Variants in DIPK2A observed in about 807,000 individuals in gnomAD.
DIPK2A encodes the protein Golgi Protein of 49 kDa.
In DIPK2A, 27 loss-of-function variants were observed where a neutral mutation model predicts 39.0. The observed-to-expected ratio is 0.69, with a 90% confidence interval of 0.51 to 0.96. The LOEUF (loss-of-function observed/expected upper bound fraction) is 0.96. Among genes scored for constraint, DIPK2A ranks in the 40% least tolerant of loss-of-function variants. DIPK2A has a pLI of 0.00. For synonymous variants in DIPK2A, 298 were observed against 240.8 expected, an observed-to-expected ratio of 1.24 and a Z score of -2.20; for missense variants, 528 against 571.3, an observed-to-expected ratio of 0.92 and a Z score of 0.77.
rs1189510341 is a variant in DIPK2A at position 143,973,267 on chromosome 3, A to G, written c.657+278A>G. 3.0e-6 allele frequency: 4 copies of G among 1,350,346 alleles called. No individual in the cohort carries two copies. In the Admixed American group the frequency reaches 5.9e-5, roughly 20 times the overall value. 83.6% of individuals were successfully genotyped at this position (1,350,346 alleles called of 1,614,324 possible). On this transcript the variant is annotated intron_variant, in intron 1 of 2. Transcript: ENST00000315691. ...CAACGCCAGAGGGAGTGCGTCTCTT[A>G]ACACTCCCCAAAATGTCTCTACTGC...
At chr3:143,989,039 C>T (rs983612430) in intron 2 of DIPK2A, among the ~76,000 whole-genome samples, 12 of 152,322 alleles carry the variant, frequency 7.9e-5, no homozygotes, top group Middle Eastern at 3.4e-3. Flanking sequence ...CTTATTGCTT[C>T]GTGAACCAAA....
At chr3:143,973,223 G>T (rs1329554091) in intron 1 of DIPK2A, 6 of 1,107,524 alleles carry the variant, frequency 5.4e-6, no homozygotes, top group African/African-American at 1.5e-5. Flanking sequence ...GCGCATTTCG[G>T]ATTTGACTGT....
Position 143,972,719 on chromosome 3 carries a change from C to T in DIPK2A, c.387C>T (p.Ala129=). Residue 129 remains alanine (A), a synonymous_variant, in exon 1 of 3, where the codon GCC becomes GCT. Coordinates refer to ENST00000315691, the MANE Select transcript of DIPK2A (RefSeq NM_173552.5). ...TCGACCAGAGCATCTGCAAGCGGGCCACCGGCCGGCCCCGCTGCGACCTGC... is the reference window on the plus strand; with the variant it reads ...TCGACCAGAGCATCTGCAAGCGGGCTACCGGCCGGCCCCGCTGCGACCTGC... The part of the protein sequence containing the change: ...AQLDQSICKR[A]TGRPRCDLLQ... The T allele has an allele frequency of 1.3e-6, 2 of 1,595,368 alleles. No individual in the cohort carries two copies. The highest frequency in any genetic ancestry group is 1.7e-6 in the Non-Finnish European group (2 of 1,172,908).
chr3:143,989,403 T>G (rs1255300839), intron 2 of DIPK2A, 107 bp from the exon 3 acceptor site: 1 of 685,124 alleles, frequency 1.5e-6, no homozygotes, highest in Non-Finnish European at 2.4e-6. Flanking sequence ...TACTTTTACC[T>G]AAAAGTGTAG....
chr3:143,982,777 T>C (rs1325334212), intron 1 of DIPK2A, among the ~76,000 whole-genome samples: 2 of 152,248 alleles, frequency 1.3e-5, no homozygotes, highest in Non-Finnish European at 2.9e-5. Context: ...ATTGGCTAAA[T>C]GTCCCAATTA....
At chr3:143,985,875 A>C (rs766468934) in intron 2 of DIPK2A, 29 bp downstream of exon 2, 1 of 1,539,076 alleles carries the variant, frequency 6.5e-7, no homozygotes, top group Non-Finnish European at 8.8e-7. Flanking sequence ...ATTTTTTTCT[A>C]CTCATTTTTT....
chr3:143,973,831 G>A (rs1332174187), intron 1 of DIPK2A: 2 of 521,856 alleles, frequency 3.8e-6, no homozygotes, highest in Non-Finnish European at 6.9e-6. Context: ...TGCCTTTTAG[G>A]GGAATAGGAT....
intron 2 of DIPK2A, 89 bp from the exon 3 acceptor site, chr3:143,989,421 A>T: frequency 1.4e-6 from 1 of 730,300 alleles, no homozygotes; most frequent in Non-Finnish European, 2.2e-6. Flanking sequence ...TAGAACAAAT[A>T]CTATTAATTA....
chr3:143,972,590 C>T lies in DIPK2A; in HGVS notation c.258C>T (p.Leu86=). ...GCCGCTTGCGCCTGCTGGACTTCCT[C>T]AACGTGAAGAACGTGTACTTCGCGC... The part of the protein sequence containing the change: ...AWGRLRLLDF[L]NVKNVYFAQY... Residue 86 remains leucine (L), a synonymous_variant, in exon 1 of 3, where the codon CTC becomes CTT. Transcript: ENST00000315691. The T allele has an allele frequency of 6.2e-7, 1 of 1,612,228 alleles. No homozygotes were observed. The highest frequency in any genetic ancestry group is 8.5e-7 in the Non-Finnish European group (1 of 1,179,710).
At chr3:143,986,497 G>A (rs1414092109) in intron 2 of DIPK2A, among the ~76,000 whole-genome samples, 3 of 152,246 alleles carry the variant, frequency 2.0e-5, no homozygotes, top group Non-Finnish European at 2.9e-5. Flanking sequence ...GGCCGAGGCG[G>A]GCGGATCACG....
chr3:143,986,326 G>A (rs2087898963), intron 2 of DIPK2A, among the ~76,000 whole-genome samples: 1 of 152,180 alleles, frequency 6.6e-6, no homozygotes, highest in Non-Finnish European at 1.5e-5. Context: ...CTGCAGCTCT[G>A]AGTTTGGTTT....
rs955426877 is a variant in DIPK2A at position 143,990,581 on chromosome 3, GAAGTTTGGCATATGTTGCAAAA to G, written c.*741_*762del. ...ATAATTAGAAGTGTACACTAAACAT[GAAGTTTGGCATATGTTGCAAAA>G]TGTCATTTTATCTTTTCTAAAGGCT... On this transcript the variant is annotated 3_prime_UTR_variant, in exon 3 of 3. Transcript: ENST00000315691. The G allele has an allele frequency of 2.6e-5, 4 of 152,362 alleles. No individual in the cohort carries two copies. The highest frequency in any genetic ancestry group is 2.4e-5 in the African/African-American group (1 of 41,382). 9.4% of individuals were successfully genotyped at this position (152,362 alleles called of 1,614,324 possible).
At chr3:143,983,390 A>C (rs973909641) in intron 1 of DIPK2A, among the ~76,000 whole-genome samples, 3 of 152,254 alleles carry the variant, frequency 2.0e-5, no homozygotes, top group African/African-American at 7.2e-5. Flanking sequence ...ATTAGAATTC[A>C]GAATTAAGAA....
At chr3:143,981,696 A>G (rs977499605) in intron 1 of DIPK2A, among the ~76,000 whole-genome samples, 4 of 152,232 alleles carry the variant, frequency 2.6e-5, no homozygotes, top group Non-Finnish European at 5.9e-5. Context: ...CAAAAACAAA[A>G]CAAAAAATAA....
Position 143,991,672 on chromosome 3 carries a change from G to A in DIPK2A, c.*1831G>A, listed in dbSNP as rs2087991566. 1 of 152,602 alleles carries A rather than the reference G, an allele frequency of 6.6e-6. No individual in the cohort carries two copies. Among genetic ancestry groups the A allele is most frequent in the Admixed American group, 6.5e-5 (1 of 15,284 alleles). The allele number at this position is 152,602 out of a possible 1,614,324, so 9.5% of individuals were successfully genotyped here. A position where few individuals can be genotyped will look rare whatever the true frequency, so the allele number is the denominator to read the frequency against. On this transcript the variant is annotated 3_prime_UTR_variant, in exon 3 of 3. Transcript: ENST00000315691. Reference sequence around the variant, plus strand: ...AACTGGCCCTCAATGAAGCATTTAAGTGCTTGGAATTTTACTAAACTGACT... The same window carrying A: ...AACTGGCCCTCAATGAAGCATTTAAATGCTTGGAATTTTACTAAACTGACT...
chr3:143,980,457 G>A (rs374001194), intron 1 of DIPK2A, among the ~76,000 whole-genome samples: 6 of 151,962 alleles, frequency 3.9e-5, no homozygotes, highest in African/African-American at 1.2e-4. Flanking sequence ...TAGTAGAGAC[G>A]AGTTTCACCA....
intron 1 of DIPK2A, among the ~76,000 whole-genome samples, chr3:143,976,553 TGTGAGAGAGA>T (rs1416036354): frequency 9.7e-6 from 1 of 103,596 alleles, no homozygotes; most frequent in Non-Finnish European, 1.9e-5. Context: ...TGTGTGTGTG[TGTGAGAGAGA>T]GAGAGAGAGA....
intron 1 of DIPK2A, among the ~76,000 whole-genome samples, chr3:143,984,143 G>T (rs1276948923): frequency 5.9e-5 from 9 of 152,164 alleles, no homozygotes; most frequent in Non-Finnish European, 1.3e-4. Flanking sequence ...ATTGGGTATT[G>T]GCTTAAGGGA....
At chr3:143,973,521 A>T (rs1194144434) in intron 1 of DIPK2A, 2 of 1,551,574 alleles carry the variant, frequency 1.3e-6, no homozygotes, top group East Asian at 2.4e-5. Context: ...ATTCGAGGAC[A>T]AGTTGGGGAG....
Sources: allele counts gnomAD v4.1 joint callset (sites outside exome capture counted in the v4.1 genomes callset), GRCh38; gene constraint gnomAD v4.1.1; transcripts MANE v1.5; gene names NCBI Gene and HGNC (gene_info 2026-07-23, HGNC 2026-07-21).